The following SORT1 variants were observed in gnomAD, a reference collection of about 807,000 sequenced individuals.
The protein encoded by SORT1 is sortilin.
A neutral mutation model predicts 101.7 loss-of-function variants in SORT1; 39 were observed. The observed-to-expected ratio is 0.38, with a 90% CI of 0.30 to 0.50. The LOEUF (loss-of-function observed/expected upper bound fraction) is 0.50, where lower values mean the gene tolerates loss of function less well. Among genes scored for constraint, SORT1 ranks in the 20% least tolerant of loss-of-function variants. The pLI is 0.90. For missense variants in SORT1, 878 were observed against 1,040.4 expected (o/e 0.84, Z 2.15); for synonymous variants, 396 against 393.7 (o/e 1.01, Z -0.07).
At position 109,325,036 on chromosome 1, in the gene SORT1, G is replaced by A; in HGVS notation, c.1697C>T (p.Pro566Leu). The change falls in exon 14 of 20, where the codon CCC (proline) becomes CTC (leucine). Residue 566 changes from proline to leucine, a missense_variant. Physicochemically the swap from Pro to Leu is moderately conservative, Grantham distance 98 (BLOSUM62 -3). This residue lies in a region of SORT1 where 684 missense variants were observed against 894.5 expected (regional missense o/e 0.76). Coordinates refer to ENST00000256637, the MANE Select transcript of SORT1 (RefSeq NM_002959.7). The part of the protein sequence containing the change: ...CWQTYTFTRD[P>L]IYFTGLASEP... ...TGAAGCTAGGCCAGTGAAATAGATG[G>A]GGTCCCTGGTGAACGTGTAGGTTTG... 6.2e-7 allele frequency: 1 copy of A among 1,613,702 alleles called. No homozygotes were observed. The highest frequency in any genetic ancestry group is 8.5e-7 in the Non-Finnish European group (1 of 1,179,736).
At chr1:109,337,212 G>C (rs1387491375) in intron 10 of SORT1, among the ~76,000 whole-genome samples, 1 of 151,932 alleles carries the variant, frequency 6.6e-6, no homozygotes, top group Non-Finnish European at 1.5e-5. Flanking sequence ...TTTAAATTCA[G>C]AGATAATATC....
At chr1:109,372,703 G>A (rs536862422) in intron 1 of SORT1, among the ~76,000 whole-genome samples, 1 of 152,064 alleles carries the variant, frequency 6.6e-6, no homozygotes, top group Non-Finnish European at 1.5e-5. Flanking sequence ...CGGATCACGA[G>A]GTCAGGAGTT....
chr1:109,381,648 T>C (rs949528735), intron 1 of SORT1, among the ~76,000 whole-genome samples: 2 of 152,108 alleles, frequency 1.3e-5, no homozygotes, highest in South Asian at 2.1e-4. Flanking sequence ...GGCAGAACAA[T>C]TGCTTAAGCT....
intron 2 of SORT1, among the ~76,000 whole-genome samples, chr1:109,368,199 C>T (rs1189944855): frequency 6.7e-6 from 1 of 149,308 alleles, no homozygotes; most frequent in South Asian, 2.1e-4. Flanking sequence ...GAGGCTGAGG[C>T]ATGAGAATTG....
At chr1:109,367,799 T>C (rs1651190958) in intron 2 of SORT1, among the ~76,000 whole-genome samples, 1 of 152,248 alleles carries the variant, frequency 6.6e-6, no homozygotes, top group Non-Finnish European at 1.5e-5. Context: ...TCTTCCCTTT[T>C]CTCCTTACAG....
chr1:109,340,930 G>C, intron 9 of SORT1, 51 bp from the exon 10 acceptor site: 1 of 1,451,706 alleles, frequency 6.9e-7, no homozygotes, highest in Non-Finnish European at 9.3e-7. Flanking sequence ...GAACCAAAGA[G>C]AAAAACAATA....
chr1:109,397,541 G>T, intron 1 of SORT1, 46 bp downstream of exon 1: 2 of 1,104,950 alleles, frequency 1.8e-6, no homozygotes, highest in Non-Finnish European at 2.2e-6. Flanking sequence ...GGGCACGCGG[G>T]CGGCACCTCG....
chr1:109,384,897 G>A (rs1652477519), intron 1 of SORT1, among the ~76,000 whole-genome samples: 1 of 152,094 alleles, frequency 6.6e-6, no homozygotes, highest in Non-Finnish European at 1.5e-5. Flanking sequence ...GGGCAACATG[G>A]TGAAACCCCA....
chr1:109,369,285 G>A (rs1651314783), intron 2 of SORT1, among the ~76,000 whole-genome samples: 2 of 152,100 alleles, frequency 1.3e-5, no homozygotes, highest in South Asian at 2.1e-4. Context: ...TCATGCCATC[G>A]CACTCCAACT....
chr1:109,370,437 C>T (rs1261015369), intron 1 of SORT1, among the ~76,000 whole-genome samples: 1 of 151,894 alleles, frequency 6.6e-6, no homozygotes, highest in African/African-American at 2.4e-5. Context: ...ATCGTCTGTT[C>T]TCTATAATTT....
chr1:109,327,656 T>C, intron 11 of SORT1, 55 bp from the exon 12 acceptor site: 1 of 1,213,040 alleles, frequency 8.2e-7, no homozygotes, highest in Non-Finnish European at 1.2e-6. Flanking sequence ...TACAATTTCT[T>C]TAATCATTTC....
chr1:109,387,727 T>C (rs2101655711), intron 1 of SORT1, among the ~76,000 whole-genome samples: 1 of 152,104 alleles, frequency 6.6e-6, no homozygotes, highest in South Asian at 2.1e-4. Flanking sequence ...CCGAGGTGGG[T>C]GGATCACGAG....
chr1:109,340,589 A>T, intron 10 of SORT1, 135 bp downstream of exon 10: 9 of 845,800 alleles, frequency 1.1e-5, no homozygotes, highest in Non-Finnish European at 1.5e-5. Context: ...AAAAAAAAAA[A>T]GGAAACAAAA....
At chr1:109,338,501 T>C (rs1280553522) in intron 10 of SORT1, among the ~76,000 whole-genome samples, 1 of 152,162 alleles carries the variant, frequency 6.6e-6, no homozygotes, top group Non-Finnish European at 1.5e-5. Context: ...TTTATTTGTA[T>C]AACTGGGCCT....
At chr1:109,318,263 C>T (rs565659523) in intron 15 of SORT1, among the ~76,000 whole-genome samples, 3 of 152,218 alleles carry the variant, frequency 2.0e-5, no homozygotes, top group African/African-American at 7.2e-5. Context: ...AGCGACTCTC[C>T]TGCCTCAGCC....
At chr1:109,390,794 T>C (rs996298121) in intron 1 of SORT1, among the ~76,000 whole-genome samples, 18 of 143,094 alleles carry the variant, frequency 1.3e-4, no homozygotes, top group African/African-American at 4.6e-4. Context: ...TGTGTGTGTG[T>C]GTGTGCGCGC....
chr1:109,325,159 G>C (rs1647904694), intron 13 of SORT1, 70 bp from the exon 14 acceptor site: 1 of 1,011,950 alleles, frequency 9.9e-7, no homozygotes, highest in Non-Finnish European at 1.4e-6. Flanking sequence ...AAACCACTCT[G>C]GCTTTTTGAT....
chr1:109,342,165 C>G lies in SORT1; in HGVS notation c.964-7G>C. On this transcript the variant is annotated splice_region_variant and splice_polypyrimidine_tract_variant and intron_variant, in intron 8 of 19. Transcript: ENST00000256637. ...GGATCCTTCTTGTTGTATCCTAGAA[C>G]AGATGTCAATATTTATCTTTCTAAT... The G allele has an allele frequency of 6.2e-7, 1 of 1,602,448 alleles. No homozygotes were observed.
chr1:109,329,170 G>A (rs578125168), intron 11 of SORT1, among the ~76,000 whole-genome samples: 1 of 152,174 alleles, frequency 6.6e-6, no homozygotes, highest in African/African-American at 2.4e-5. Context: ...GCCTATGTGT[G>A]TAAGAGGACA....
Sources: allele counts gnomAD v4.1 joint callset (sites outside exome capture counted in the v4.1 genomes callset), GRCh38; gene constraint gnomAD v4.1.1; regional missense constraint gnomAD v4.1.1; transcripts MANE v1.5; gene names NCBI Gene and HGNC (gene_info 2026-07-23, HGNC 2026-07-21).